The following SCARB1 variants were observed in gnomAD, a reference collection of about 807,000 sequenced individuals.
The protein encoded by SCARB1 is scavenger receptor class B member 1.
Under a neutral mutation model 57.2 loss-of-function variants are expected in SCARB1, and 30 were observed. The ratio of observed to expected loss-of-function variants is 0.52; its 90% CI spans 0.39 to 0.71. The LOEUF (loss-of-function observed/expected upper bound fraction) is 0.71. Ranked by LOEUF, SCARB1 falls within the 30% of genes least tolerant of loss-of-function variation. The pLI is 0.00. For synonymous variants in SCARB1, 249 were observed against 268.3 expected (o/e 0.93, Z 0.70); for missense variants, 543 against 671.2 (o/e 0.81, Z 2.11).
At chr12:124,841,612 C>CCCCTCCAGTCACTTCT (rs1951915900) in intron 1 of SCARB1, among the ~76,000 whole-genome samples, 2 of 152,048 alleles carry the variant, frequency 1.3e-5, no homozygotes, top group African/African-American at 4.8e-5. Context: ...CCCCTTTCAC[C>CCCCTCCAGTCACTTCT]CCCTCCAGTC....
chr12:124,815,489 A>T (rs1430194884), intron 2 of SCARB1, among the ~76,000 whole-genome samples: 3 of 152,234 alleles, frequency 2.0e-5, no homozygotes, highest in African/African-American at 7.2e-5. Context: ...GGTAAACATC[A>T]GCTGCTGTGA....
intron 1 of SCARB1, among the ~76,000 whole-genome samples, chr12:124,854,893 G>T (rs1308447536): frequency 1.3e-5 from 2 of 152,146 alleles, no homozygotes; most frequent in Admixed American, 6.5e-5. Flanking sequence ...GGGTTCAGGG[G>T]AAAGGTCTGG....
intron 1 of SCARB1, among the ~76,000 whole-genome samples, chr12:124,823,081 A>G (rs191791762): frequency 1.5e-4 from 23 of 152,376 alleles, no homozygotes; most frequent in African/African-American, 5.5e-4. Flanking sequence ...GTTCTAAAAC[A>G]GGCAAGACTA....
At chr12:124,813,149 G>A (rs903978767) in intron 4 of SCARB1, among the ~76,000 whole-genome samples, 20 of 152,258 alleles carry the variant, frequency 1.3e-4, no homozygotes, top group African/African-American at 4.3e-4. Flanking sequence ...AGCTTCCCCT[G>A]GAGCTAGGTG....
intron 1 of SCARB1, among the ~76,000 whole-genome samples, chr12:124,862,701 T>C (rs1952947746): frequency 6.6e-6 from 1 of 152,162 alleles, no homozygotes; most frequent in South Asian, 2.1e-4. Context: ...TTCCCAGGGC[T>C]TCAAAACTCT....
rs1196942435 is a variant in SCARB1, at chr12:124,800,116, G to A, written c.1128+8C>T. The A allele has an allele frequency of 1.2e-6, 2 of 1,601,216 alleles. No individual in the cohort carries two copies. The highest frequency in any genetic ancestry group is 4.5e-5 in the East Asian group (2 of 44,798). ...ACCCACCCCCCACAGAGGATGGCAG[G>A]GGCTCACCGGGTGGATGTCCAGGAA... is the stretch of plus-strand genomic sequence containing the variant. On this transcript the variant is annotated splice_region_variant and intron_variant, in intron 8 of 12. Coordinates refer to ENST00000261693, the MANE Select transcript of SCARB1 (RefSeq NM_005505.5). This position sits in a 1 kb window ranked among gnomAD's most constrained non-coding sequence, Gnocchi z 4.8.
At chr12:124,791,489 T>A (rs1452055473) in intron 9 of SCARB1, among the ~76,000 whole-genome samples, 1 of 152,170 alleles carries the variant, frequency 6.6e-6, no homozygotes, top group African/African-American at 2.4e-5. Context: ...CTTCGAAAAT[T>A]ACCCGGCATA....
intron 1 of SCARB1, among the ~76,000 whole-genome samples, chr12:124,850,974 C>T (rs1952377430): frequency 6.6e-6 from 1 of 152,198 alleles, no homozygotes; most frequent in Non-Finnish European, 1.5e-5. Flanking sequence ...AACTACTTCC[C>T]TCCCTGGCTC....
chr12:124,833,113 C>T (rs976123326), intron 1 of SCARB1, among the ~76,000 whole-genome samples: 6 of 152,148 alleles, frequency 3.9e-5, no homozygotes, highest in Middle Eastern at 6.8e-3. Context: ...ACCCTCCTGC[C>T]TCCCTCTGTC....
Position 124,856,630 on chromosome 12 carries a change from G to A in SCARB1, c.126+6965C>T, listed in dbSNP as rs527977957. 5.9e-5 allele frequency among the ~76,000 whole-genome samples: 9 copies of A among 152,338 alleles called. No individual in the cohort carries two copies. The East Asian group carries it at 1.5e-3, about 26-fold the overall frequency. ...CACACCTGTGATCCAAGCTGTCCTCGAGGAGCCCCCTCCCCACCTGTGCCC... is the reference window on the plus strand; with the variant it reads ...CACACCTGTGATCCAAGCTGTCCTCAAGGAGCCCCCTCCCCACCTGTGCCC... On this transcript the variant is annotated intron_variant, in intron 1 of 12. Transcript: ENST00000261693.
chr12:124,809,060 G>C (rs1311796958), intron 6 of SCARB1, among the ~76,000 whole-genome samples: 1 of 152,056 alleles, frequency 6.6e-6, no homozygotes, highest in Non-Finnish European at 1.5e-5. Context: ...TTCTCATTTT[G>C]ATAACAGCAT....
chr12:124,802,032 C>CCCAG (rs764666044), intron 7 of SCARB1, among the ~76,000 whole-genome samples: 81 of 151,274 alleles, frequency 5.4e-4, no homozygotes, highest in African/African-American at 1.3e-3. Context: ...CACCTGTAAT[C>CCCAG]CCAGCTACTC....
rs1950631649 is a variant in SCARB1, at chr12:124,814,549, T to A, written c.427-144A>T. 2.8e-5 allele frequency: 23 copies of A among 819,448 alleles called. 1 individual carries two copies. The South Asian group carries it at 3.4e-4, about 12-fold the overall frequency. 50.8% of individuals were successfully genotyped at this position (819,448 alleles called of 1,614,324 possible). ...CCCTGGAGTGGCCACGTGGGGCATC[T>A]GGGACACCAGAACCACCCTCTGCTC... On this transcript the variant is annotated intron_variant, in intron 3 of 12. Coordinates refer to ENST00000261693, the MANE Select transcript of SCARB1 (RefSeq NM_005505.5). The surrounding 1 kb of genome is among the most constrained non-coding windows in gnomAD (Gnocchi z 4.7).
intron 12 of SCARB1, among the ~76,000 whole-genome samples, chr12:124,779,447 T>C (rs1872983724): frequency 6.6e-6 from 1 of 152,108 alleles, no homozygotes; most frequent in Non-Finnish European, 1.5e-5. Flanking sequence ...TTCCTGGCCA[T>C]GGCTGCTCAG....
chr12:124,813,118 C>G (rs1950581616), intron 4 of SCARB1, among the ~76,000 whole-genome samples: 1 of 152,174 alleles, frequency 6.6e-6, no homozygotes, highest in African/African-American at 2.4e-5. Flanking sequence ...TCAGCACACC[C>G]AGCTAAAAGG....
chr12:124,778,383 T>C lies in SCARB1; in HGVS notation c.*204A>G. 8.3e-7 allele frequency: 1 copy of C among 1,199,896 alleles called. No homozygotes were observed. Among genetic ancestry groups the C allele is most frequent in the Non-Finnish European group, 1.0e-6 (1 of 952,592 alleles). The allele number at this position is 1,199,896 out of a possible 1,614,324, so 74.3% of individuals were successfully genotyped here. On this transcript the variant is annotated 3_prime_UTR_variant, in exon 13 of 13. Coordinates refer to ENST00000261693, the MANE Select transcript of SCARB1 (RefSeq NM_005505.5). Reference sequence around the variant, plus strand: ...CTTCAGCAGCAGCTCCATCCCTGAGTGTCTGCACAAGCCTGCACGCATGTG... The same window carrying C: ...CTTCAGCAGCAGCTCCATCCCTGAGCGTCTGCACAAGCCTGCACGCATGTG...
At chr12:124,821,863 C>T (rs1407247465) in intron 1 of SCARB1, among the ~76,000 whole-genome samples, 3 of 152,156 alleles carry the variant, frequency 2.0e-5, no homozygotes, top group Non-Finnish European at 4.4e-5. Context: ...TTTTTTCCAC[C>T]ACACTAGACC....
chr12:124,838,007 T>C (rs1259712867), intron 1 of SCARB1, among the ~76,000 whole-genome samples: 2 of 152,264 alleles, frequency 1.3e-5, no homozygotes, highest in African/African-American at 4.8e-5. Flanking sequence ...ATAAATGCAG[T>C]GGCACTGGCC....
intron 1 of SCARB1, among the ~76,000 whole-genome samples, chr12:124,825,767 GAT>G (rs1389894502): frequency 5.9e-5 from 9 of 152,344 alleles, no homozygotes. Flanking sequence ...TCGACTTGCA[GAT>G]ATCTCAAAGG....
Sources: gnomAD v4.1 joint callset for allele counts (sites outside exome capture counted in the v4.1 genomes callset) on GRCh38, gnomAD v4.1.1 for gene constraint, Gnocchi (gnomAD v3.1) non-coding constraint, MANE v1.5 for transcripts, NCBI Gene and HGNC (gene_info 2026-07-23, HGNC 2026-07-21) for gene names.